The following MSRA variants were observed in gnomAD, a reference collection of about 807,000 sequenced individuals.
MSRA encodes mitochondrial peptide methionine sulfoxide reductase.
A neutral mutation model predicts 31.3 loss-of-function variants in MSRA; 54 were observed. The ratio of observed to expected loss-of-function variants is 1.73; its 90% confidence interval spans 1.39 to 2.17. The LOEUF (loss-of-function observed/expected upper bound fraction) is 2.17, where lower values mean the gene tolerates loss of function less well. Among genes scored for constraint, MSRA ranks in the 30% most tolerant of loss-of-function variants. MSRA has a pLI of 0.00. For missense variants in MSRA, 507 were observed against 300.9 expected, an observed-to-expected ratio of 1.69 and a Z score of -5.07; for synonymous variants, 169 against 116.5, an observed-to-expected ratio of 1.45 and a Z score of -2.90.
intron 5 of MSRA, among the ~76,000 whole-genome samples, chr8:10,350,756 C>A (rs750758045): frequency 1.6e-4 from 25 of 152,226 alleles, no homozygotes; most frequent in Non-Finnish European, 2.6e-4. Flanking sequence ...ACGGAGCAGA[C>A]CGAGCCCCCA....
intron 1 of MSRA, among the ~76,000 whole-genome samples, chr8:10,111,224 G>A (rs1800256261): frequency 6.6e-6 from 1 of 152,162 alleles, no homozygotes; most frequent in South Asian, 2.1e-4. Context: ...GTACATGAAT[G>A]TATGGAGAAT....
intron 2 of MSRA, among the ~76,000 whole-genome samples, chr8:10,238,894 T>C (rs1426852704): frequency 1.3e-5 from 2 of 152,152 alleles, no homozygotes; most frequent in Non-Finnish European, 2.9e-5. Context: ...AAGGAAAAGA[T>C]AGAGAAATTT....
At chr8:10,102,156 G>C (rs962497195) in intron 1 of MSRA, among the ~76,000 whole-genome samples, 1 of 152,120 alleles carries the variant, frequency 6.6e-6, no homozygotes, top group African/African-American at 2.4e-5. Context: ...TCACCTTCTT[G>C]AATATGTAGG....
At chr8:10,083,358 A>T (rs990346833) in intron 1 of MSRA, among the ~76,000 whole-genome samples, 1 of 152,230 alleles carries the variant, frequency 6.6e-6, no homozygotes, top group South Asian at 2.1e-4. Context: ...CTGTTTTTAG[A>T]TATGTGACAC....
At chr8:10,383,232 C>T (rs1324970582) in intron 5 of MSRA, among the ~76,000 whole-genome samples, 1 of 152,170 alleles carries the variant, frequency 6.6e-6, no homozygotes, top group African/African-American at 2.4e-5. Context: ...TCCACAGGAG[C>T]TCCTGTGTGA....
At chr8:10,400,231 G>C (rs1563437294) in intron 5 of MSRA, among the ~76,000 whole-genome samples, 1 of 152,124 alleles carries the variant, frequency 6.6e-6, no homozygotes. Flanking sequence ...GCTGGGGCAG[G>C]GAGAGGGGCT....
At chr8:10,164,334 C>T (rs189673548) in intron 1 of MSRA, among the ~76,000 whole-genome samples, 4 of 152,232 alleles carry the variant, frequency 2.6e-5, no homozygotes, top group East Asian at 3.9e-4. Flanking sequence ...CCGAGGGCTG[C>T]GTATCGCCTG....
intron 5 of MSRA, among the ~76,000 whole-genome samples, chr8:10,324,748 G>A (rs1802264508): frequency 6.6e-6 from 1 of 152,214 alleles, no homozygotes; most frequent in East Asian, 1.9e-4. Flanking sequence ...GGGGCAGAGA[G>A]ACTGGGGAGG....
intron 1 of MSRA, among the ~76,000 whole-genome samples, chr8:10,139,662 C>A (rs1420784753): frequency 6.6e-6 from 1 of 152,202 alleles, no homozygotes; most frequent in Non-Finnish European, 1.5e-5. Context: ...ATAATGGCCA[C>A]CAGTTCTATT....
chr8:10,083,630 T>C (rs999005010), intron 1 of MSRA, among the ~76,000 whole-genome samples: 1 of 152,234 alleles, frequency 6.6e-6, no homozygotes, highest in Non-Finnish European at 1.5e-5. Flanking sequence ...AGATCATTTG[T>C]TTTTAAGTTT....
chr8:10,174,854 C>A (rs1200243029), intron 1 of MSRA, among the ~76,000 whole-genome samples: 1 of 152,174 alleles, frequency 6.6e-6, no homozygotes, highest in Non-Finnish European at 1.5e-5. Flanking sequence ...TTCATCTCTT[C>A]AAATGGCATT....
At chr8:10,224,261 C>T (rs777033639) in intron 2 of MSRA, among the ~76,000 whole-genome samples, 10 of 152,064 alleles carry the variant, frequency 6.6e-5, no homozygotes, top group Non-Finnish European at 8.8e-5. Flanking sequence ...TTACAAAGGG[C>T]GTGAAGAACT....
intron 1 of MSRA, among the ~76,000 whole-genome samples, chr8:10,184,223 T>C (rs898572558): frequency 1.3e-5 from 2 of 151,984 alleles, no homozygotes; most frequent in Admixed American, 6.6e-5. Flanking sequence ...GTGGTCGGGA[T>C]GGAAGTGGTT....
At chr8:10,355,089 T>C (rs1258684935) in intron 5 of MSRA, among the ~76,000 whole-genome samples, 1 of 152,194 alleles carries the variant, frequency 6.6e-6, no homozygotes. Context: ...TTTTAACCTG[T>C]GGTAGCCCAT....
intron 5 of MSRA, among the ~76,000 whole-genome samples, chr8:10,395,422 G>A (rs1354360060): frequency 6.6e-6 from 1 of 152,146 alleles, no homozygotes; most frequent in Non-Finnish European, 1.5e-5. Flanking sequence ...TACTGAGGCT[G>A]GAAAGTTTGG....
intron 5 of MSRA, among the ~76,000 whole-genome samples, chr8:10,325,946 G>T (rs997180125): frequency 2.0e-5 from 3 of 152,204 alleles, no homozygotes; most frequent in African/African-American, 7.2e-5. Flanking sequence ...CTAGAACTCT[G>T]TACTGTAGTC....
chr8:10,221,642 C>G (rs568521157), intron 2 of MSRA, among the ~76,000 whole-genome samples: 2 of 152,054 alleles, frequency 1.3e-5, no homozygotes, highest in African/African-American at 2.4e-5. Context: ...GCAGCTTATA[C>G]TCCAGTAGGG....
intron 3 of MSRA, among the ~76,000 whole-genome samples, chr8:10,251,208 CTT>C (rs35628965): frequency 1.6e-4 from 24 of 148,466 alleles, no homozygotes; most frequent in African/African-American, 4.2e-4. Flanking sequence ...ACTCAGTATA[CTT>C]TTTTTTTTTT....
intron 5 of MSRA, among the ~76,000 whole-genome samples, chr8:10,380,585 G>T (rs1806008395): frequency 6.6e-6 from 1 of 152,190 alleles, no homozygotes; most frequent in Non-Finnish European, 1.5e-5. Context: ...ATAGAAATAT[G>T]CAGTTACATT....
Sources: allele counts gnomAD v4.1 joint callset (sites outside exome capture counted in the v4.1 genomes callset), GRCh38; gene constraint gnomAD v4.1.1; transcripts MANE v1.5; gene names NCBI Gene and HGNC (gene_info 2026-07-23, HGNC 2026-07-21).